ZNF438: variants seen among roughly 807,000 people sequenced by gnomAD.
ZNF438 encodes zinc finger protein 438.
In ZNF438, 25 loss-of-function variants were observed where a neutral mutation model predicts 38.0. The observed-to-expected ratio is 0.66, with a 90% CI of 0.48 to 0.92. The LOEUF is 0.92. ZNF438 is among the 40% of genes least tolerant of loss of function. The probability of loss-of-function intolerance (pLI) is 0.00; values close to 1 mark genes in which losing one functional copy is unlikely to be tolerated. For synonymous variants in ZNF438, 372 were observed against 364.1 expected, an observed-to-expected ratio of 1.02 and a Z score of -0.25; for missense variants, 1,007 against 999.6, an observed-to-expected ratio of 1.01 and a Z score of -0.10.
intron 1 of ZNF438, among the ~76,000 whole-genome samples, chr10:31,009,231 T>C (rs993396900): frequency 1.3e-5 from 2 of 152,212 alleles, no homozygotes; most frequent in East Asian, 1.9e-4. Flanking sequence ...GTGCAGCTAC[T>C]TGCACTAGAT....
intron 2 of ZNF438, among the ~76,000 whole-genome samples, chr10:30,916,460 C>T (rs1046980058): frequency 8.6e-5 from 13 of 151,918 alleles, no homozygotes; most frequent in African/African-American, 3.1e-4. Flanking sequence ...TTTGAAGTCC[C>T]CTTTATGGCC....
chr10:31,014,240 A>G (rs923409121), intron 1 of ZNF438, among the ~76,000 whole-genome samples: 2 of 152,184 alleles, frequency 1.3e-5, no homozygotes, highest in Admixed American at 6.5e-5. Context: ...TGTCTGAGCT[A>G]CCACAACAAC....
chr10:30,944,694 A>G (rs2047182477), intron 1 of ZNF438, among the ~76,000 whole-genome samples: 1 of 152,150 alleles, frequency 6.6e-6, no homozygotes, highest in South Asian at 2.1e-4. Flanking sequence ...AGTCATTTTT[A>G]TGCTGTATTT....
chr10:31,013,257 T>C (rs1047626933), intron 1 of ZNF438, among the ~76,000 whole-genome samples: 2 of 151,496 alleles, frequency 1.3e-5, no homozygotes, highest in Non-Finnish European at 2.9e-5. Context: ...AGGCGGAGCT[T>C]GCAGTGAGCC....
At chr10:30,958,326 T>TAC (rs1225542010) in intron 1 of ZNF438, among the ~76,000 whole-genome samples, 1 of 147,272 alleles carries the variant, frequency 6.8e-6, no homozygotes, top group African/African-American at 2.4e-5. Flanking sequence ...ACAAAAAGAA[T>TAC]ACATTTTCCT....
At chr10:30,898,664 T>C (rs926444944) in intron 3 of ZNF438, among the ~76,000 whole-genome samples, 7 of 152,204 alleles carry the variant, frequency 4.6e-5, no homozygotes, top group Non-Finnish European at 7.3e-5. Context: ...TTTAAAAATA[T>C]ATTTCTGTTT....
intron 1 of ZNF438, among the ~76,000 whole-genome samples, chr10:30,959,695 C>A (rs1313144272): frequency 4.8e-5 from 7 of 146,126 alleles, no homozygotes; most frequent in African/African-American, 1.7e-4. Context: ...TTGTAATGAG[C>A]CGAGATCGCA....
At chr10:30,914,212 C>T (rs763011774) in intron 2 of ZNF438, among the ~76,000 whole-genome samples, 1 of 151,744 alleles carries the variant, frequency 6.6e-6, no homozygotes, top group African/African-American at 2.4e-5. Context: ...AAAGTTAAAT[C>T]AAAAAAGTTA....
rs147842759 is a variant in ZNF438, at chr10:31,000,790, TTTTC to T, written c.-192+31039_-192+31042del. Among the ~76,000 whole-genome samples, 165 of 151,728 alleles carry T rather than the reference TTTTC, an allele frequency of 1.1e-3. 1 individual carries two copies. The East Asian group carries it at 0.028, about 26-fold the overall frequency. ...AAAAGCATGCAAAAAAAAAAAAAAC[TTTTC>T]TTGTGTTTCCTTGTTATAATCACTG... is the stretch of plus-strand genomic sequence containing the variant. On this transcript the variant is annotated intron_variant, in intron 1 of 5. Coordinates refer to ENST00000413025, the Ensembl canonical transcript of ZNF438.
At chr10:30,948,641 A>T (rs1051018279) in intron 1 of ZNF438, among the ~76,000 whole-genome samples, 11 of 151,296 alleles carry the variant, frequency 7.3e-5, no homozygotes, top group Non-Finnish European at 1.2e-4. Flanking sequence ...ACTGGAAGAA[A>T]GGGTATCAGC....
chr10:30,931,301 G>A (rs1171874642), intron 2 of ZNF438, among the ~76,000 whole-genome samples: 1 of 152,184 alleles, frequency 6.6e-6, no homozygotes, highest in Non-Finnish European at 1.5e-5. Context: ...GATCATTTGA[G>A]TTTTTGGCTG....
chr10:31,026,943 A>G (rs1339806736), intron 1 of ZNF438, among the ~76,000 whole-genome samples: 3 of 152,180 alleles, frequency 2.0e-5, no homozygotes, highest in Non-Finnish European at 4.4e-5. Flanking sequence ...TCCTTTGTAG[A>G]GACATGGATG....
At chr10:30,944,627 T>C (rs114488565) in intron 1 of ZNF438, among the ~76,000 whole-genome samples, 1,761 of 152,300 alleles carry the variant, frequency 0.012, 37 homozygotes, top group African/African-American at 0.04. Flanking sequence ...AGATTTCTAA[T>C]TAAGGAGTTG....
chr10:30,964,278 C>T lies in ZNF438; in HGVS notation c.-191-22627G>A, dbSNP rs917500179. Among the ~76,000 whole-genome samples the T allele has an allele frequency of 2.0e-5, 3 of 152,268 alleles. No homozygotes were observed. The Middle Eastern group carries it at 0.01, about 518-fold the overall frequency. On this transcript the variant is annotated intron_variant, in intron 1 of 5. Transcript: ENST00000413025. The stretch of plus-strand genomic sequence containing the variant: ...CAAACCCCAACTATTTGTTTAATGC[C>T]CTATTCAAGCTTCCATTAAATCTTT...
At chr10:30,991,200 CT>C (rs1411098151) in intron 1 of ZNF438, among the ~76,000 whole-genome samples, 2 of 152,144 alleles carry the variant, frequency 1.3e-5, no homozygotes, top group African/African-American at 4.8e-5. Flanking sequence ...ATGGGGGCTC[CT>C]TTTCCCCTCA....
chr10:31,025,260 G>T (rs548569637), intron 1 of ZNF438, among the ~76,000 whole-genome samples: 1 of 152,342 alleles, frequency 6.6e-6, no homozygotes, highest in South Asian at 2.1e-4. Context: ...CTGACATTTT[G>T]AACTGGATAA....
chr10:30,927,822 A>G (rs552758642), intron 2 of ZNF438, among the ~76,000 whole-genome samples: 21 of 152,314 alleles, frequency 1.4e-4, no homozygotes, highest in Non-Finnish European at 2.9e-4. Context: ...AATGAATAAG[A>G]GGATGCCTTC....
At chr10:30,959,950 C>CT (rs1335203548) in intron 1 of ZNF438, among the ~76,000 whole-genome samples, 1 of 147,200 alleles carries the variant, frequency 6.8e-6, no homozygotes, top group Non-Finnish European at 1.5e-5. Flanking sequence ...TATATACTGT[C>CT]TTTTTTATTA....
chr10:30,865,919 G>A (rs1054451820), intron 4 of ZNF438, among the ~76,000 whole-genome samples: 1 of 152,184 alleles, frequency 6.6e-6, no homozygotes, highest in African/African-American at 2.4e-5. Flanking sequence ...CAGAACCTCA[G>A]GAAGGGTCCC....
Sources: allele counts gnomAD v4.1 joint callset (sites outside exome capture counted in the v4.1 genomes callset), GRCh38; gene constraint gnomAD v4.1.1; transcripts MANE v1.5; gene names NCBI Gene and HGNC (gene_info 2026-07-23, HGNC 2026-07-21).